The following PRKAR1B variants were observed in gnomAD, a reference collection of about 807,000 sequenced individuals.
PRKAR1B encodes protein kinase cAMP-dependent type I regulatory subunit beta.
PRKAR1B carries 22 observed loss-of-function variants against 46.5 expected under a neutral mutation model. The ratio of observed to expected loss-of-function variants is 0.47; its 90% CI spans 0.34 to 0.68. PRKAR1B has a LOEUF of 0.68. Ranked by LOEUF, PRKAR1B falls within the 30% of genes least tolerant of loss-of-function variation. The pLI, the probability that PRKAR1B is intolerant of heterozygous loss-of-function variation, is 0.01. For missense variants in PRKAR1B, 445 were observed against 535.6 expected (o/e 0.83, Z 1.67); for synonymous variants, 259 against 217.7 (o/e 1.19, Z -1.67).
chr7:715,840 C>T (rs1780855384), intron 1 of PRKAR1B, among the ~76,000 whole-genome samples: 1 of 151,810 alleles, frequency 6.6e-6, no homozygotes, highest in Non-Finnish European at 1.5e-5. Flanking sequence ...CTCAGCCTCC[C>T]GAGTAGCTGG....
intron 2 of PRKAR1B, among the ~76,000 whole-genome samples, chr7:699,356 G>C (rs1312118124): frequency 6.6e-6 from 1 of 152,110 alleles, no homozygotes; most frequent in African/African-American, 2.4e-5. Flanking sequence ...CCTGCACTGG[G>C]AGGCACTGAG....
chr7:584,475 G>A (rs1780485302), intron 8 of PRKAR1B, 33 bp downstream of exon 8: 4 of 1,604,810 alleles, frequency 2.5e-6, no homozygotes, highest in Middle Eastern at 3.3e-4. Flanking sequence ...CAGATGTCGG[G>A]ACACACAGCC....
chr7:709,154 C>A (rs191042435), intron 2 of PRKAR1B, among the ~76,000 whole-genome samples: 2 of 143,930 alleles, frequency 1.4e-5, no homozygotes, highest in East Asian at 4.1e-4. Flanking sequence ...CTCAATTGTC[C>A]ATTCACTCAC....
intron 2 of PRKAR1B, among the ~76,000 whole-genome samples, chr7:689,447 T>C (rs1055585708): frequency 6.6e-6 from 1 of 152,140 alleles, no homozygotes; most frequent in Non-Finnish European, 1.5e-5. Context: ...ATGGAAATGC[T>C]AGAATCCAAA....
intron 9 of PRKAR1B, among the ~76,000 whole-genome samples, chr7:576,107 A>G (rs1411441087): frequency 4.7e-5 from 5 of 105,422 alleles, no homozygotes; most frequent in African/African-American, 1.2e-4. Flanking sequence ...ACGCTGGCAT[A>G]GTCTCCTCTG....
chr7:624,957 C>T (rs1783305171), intron 4 of PRKAR1B, among the ~76,000 whole-genome samples: 1 of 152,192 alleles, frequency 6.6e-6, no homozygotes, highest in Admixed American at 6.5e-5. Flanking sequence ...GAGCAGACTA[C>T]ACATTCTTCT....
At chr7:586,976 C>G (rs541154072) in intron 7 of PRKAR1B, among the ~76,000 whole-genome samples, 1 of 151,754 alleles carries the variant, frequency 6.6e-6, no homozygotes, top group Non-Finnish European at 1.5e-5. Flanking sequence ...CTCCAACTCC[C>G]GGGTTCACGC....
chr7:675,389 G>A (rs531979502), intron 4 of PRKAR1B, among the ~76,000 whole-genome samples: 11 of 152,256 alleles, frequency 7.2e-5, no homozygotes, highest in Non-Finnish European at 1.3e-4. Context: ...CCACCACACC[G>A]TTGCCCTCCG....
chr7:673,522 G>A (rs1394049661), intron 4 of PRKAR1B, among the ~76,000 whole-genome samples: 3 of 151,874 alleles, frequency 2.0e-5, no homozygotes, highest in South Asian at 2.1e-4. Flanking sequence ...GGTGGCGGGC[G>A]CCTGTAGTCC....
At chr7:550,651 T>C in intron 10 of PRKAR1B, 49 bp from the exon 11 acceptor site, 1 of 1,453,040 alleles carries the variant, frequency 6.9e-7, no homozygotes, top group Admixed American at 2.4e-5. Context: ...GTCCTGAGGC[T>C]GCAGCAGGGA....
chr7:557,261 C>T (rs563609702), intron 9 of PRKAR1B, among the ~76,000 whole-genome samples: 17 of 152,340 alleles, frequency 1.1e-4, no homozygotes, highest in African/African-American at 2.6e-4. Context: ...ACGTCTCAGC[C>T]GCGTGACACC....
intron 2 of PRKAR1B, among the ~76,000 whole-genome samples, chr7:687,890 G>T (rs1779178768): frequency 6.6e-6 from 1 of 151,968 alleles, no homozygotes; most frequent in African/African-American, 2.4e-5. Flanking sequence ...GAGGTCAGCA[G>T]TTCAAGACCA....
At chr7:712,635 C>T in intron 1 of PRKAR1B, 1 of 126,962 alleles carries the variant, frequency 7.9e-6, no homozygotes, top group South Asian at 2.6e-4. Context: ...CCGGCCCCCA[C>T]CCCCGGCTCT....
chr7:680,482 C>T, intron 3 of PRKAR1B, 74 bp downstream of exon 3: 2 of 1,441,372 alleles, frequency 1.4e-6, no homozygotes, highest in Non-Finnish European at 1.8e-6. Flanking sequence ...GCCCCGTGGG[C>T]TTCCAGGGAG....
chr7:700,598 A>G (rs1014618111), intron 2 of PRKAR1B, among the ~76,000 whole-genome samples: 6 of 151,990 alleles, frequency 3.9e-5, no homozygotes, highest in African/African-American at 1.5e-4. Flanking sequence ...AATTTTAACT[A>G]TTTTCCATGA....
At chr7:566,570 C>T (rs1200664833) in intron 9 of PRKAR1B, among the ~76,000 whole-genome samples, 1 of 152,284 alleles carries the variant, frequency 6.6e-6, no homozygotes, top group African/African-American at 2.4e-5. Flanking sequence ...ACCTTCACAT[C>T]ACCATTACCA....
chr7:635,175 C>G (rs1783975065), intron 4 of PRKAR1B, among the ~76,000 whole-genome samples: 1 of 152,188 alleles, frequency 6.6e-6, no homozygotes, highest in Admixed American at 6.5e-5. Context: ...AACCGGACTT[C>G]CAGCTTCTCT....
At position 667,120 on chromosome 7, in the gene PRKAR1B, T is replaced by C. The variant is rs1439798228; in HGVS notation, c.440+10109A>G. ...GTGGTGATAACGATGATGATGGCAA[T>C]GGTGGTGATGAGGATGGTGGTGGTG... On this transcript the variant is annotated intron_variant, in intron 4 of 10. Coordinates refer to ENST00000537384, the MANE Select transcript of PRKAR1B (RefSeq NM_001164760.2). This position sits in a 1 kb window ranked among gnomAD's most constrained non-coding sequence, Gnocchi z 4.3. Among the ~76,000 whole-genome samples the C allele has an allele frequency of 6.7e-6, 1 of 148,458 alleles. No individual in the cohort carries two copies. Among genetic ancestry groups the C allele is most frequent in the Non-Finnish European group, 1.5e-5 (1 of 67,392 alleles).
intron 4 of PRKAR1B, among the ~76,000 whole-genome samples, chr7:673,576 G>A (rs1278423915): frequency 6.6e-6 from 1 of 151,308 alleles, no homozygotes; most frequent in Non-Finnish European, 1.5e-5. Flanking sequence ...GTGAACCTGT[G>A]AGGCAGAGCT....
Sources: gnomAD v4.1 joint callset for allele counts (sites outside exome capture counted in the v4.1 genomes callset) on GRCh38, gnomAD v4.1.1 for gene constraint, Gnocchi (gnomAD v3.1) non-coding constraint, MANE v1.5 for transcripts, NCBI Gene and HGNC (gene_info 2026-07-23, HGNC 2026-07-21) for gene names.